Variants in AFF2 observed in about 807,000 individuals in gnomAD.
AFF2 encodes ALF transcription elongation factor 2.
A neutral mutation model predicts 76.9 loss-of-function variants in AFF2; 14 were observed. That is an observed-to-expected ratio of 0.18 (90% confidence interval 0.12 to 0.28). The LOEUF (loss-of-function observed/expected upper bound fraction) is 0.28, where lower values mean the gene tolerates loss of function less well. AFF2 is among the 10% of genes least tolerant of loss of function. The probability of loss-of-function intolerance (pLI) is 1.00; values close to 1 mark genes in which losing one functional copy is unlikely to be tolerated. For synonymous variants in AFF2, 398 were observed against 366.7 expected (o/e 1.09, Z -0.98); for missense variants, 868 against 1,001.1 (o/e 0.87, Z 1.79).
intron 1 of AFF2, among the ~76,000 whole-genome samples, chrX:148,617,053 T>G (rs1421238505): frequency 8.9e-6 from 1 of 111,931 alleles, no homozygotes; most frequent in African/African-American, 3.2e-5. Flanking sequence ...TGTGTCTTTA[T>G]AGCAGCATGA....
intron 10 of AFF2, among the ~76,000 whole-genome samples, chrX:148,954,078 A>G (rs1250539286): frequency 1.8e-5 from 2 of 112,179 alleles, no homozygotes; most frequent in Admixed American, 9.4e-5. Context: ...TCAAGATCCA[A>G]TTCTGGCCTT....
chrX:148,671,123 T>C (rs1291201024), intron 3 of AFF2, among the ~76,000 whole-genome samples: 1 of 111,939 alleles, frequency 8.9e-6, no homozygotes, highest in Non-Finnish European at 1.9e-5. Context: ...GAGTATTTGG[T>C]TTCAGTGCAT....
At chrX:148,748,783 A>G (rs1557266269) in intron 3 of AFF2, among the ~76,000 whole-genome samples, 1 of 111,889 alleles carries the variant, frequency 8.9e-6, no homozygotes, top group African/African-American at 3.3e-5. Flanking sequence ...TTTGCAGGCC[A>G]TAGTGGGGAC....
chrX:148,590,567 C>T (rs986516488), intron 1 of AFF2, among the ~76,000 whole-genome samples: 1 of 111,816 alleles, frequency 8.9e-6, no homozygotes, highest in African/African-American at 3.3e-5. Context: ...GGTGACAAAC[C>T]CCAATGTTGC....
At chrX:148,629,452 C>T (rs2053959409) in intron 1 of AFF2, among the ~76,000 whole-genome samples, 1 of 111,617 alleles carries the variant, frequency 9.0e-6, no homozygotes, top group African/African-American at 3.3e-5. Flanking sequence ...TTATTAATTT[C>T]CAGTTGGTAA....
chrX:148,687,074 G>A (rs1195280089), intron 3 of AFF2, among the ~76,000 whole-genome samples: 1 of 111,660 alleles, frequency 9.0e-6, no homozygotes, highest in Non-Finnish European at 1.9e-5. Flanking sequence ...CTTAAGCAGT[G>A]GCTTGTGACT....
chrX:148,865,232 A>T (rs1270705178), intron 7 of AFF2, among the ~76,000 whole-genome samples: 1 of 112,809 alleles, frequency 8.9e-6, no homozygotes, highest in African/African-American at 3.2e-5. Context: ...TGGAATTCAG[A>T]GAAATGCCTG....
At chrX:148,821,855 C>A (rs1368705987) in intron 4 of AFF2, among the ~76,000 whole-genome samples, 3 of 111,344 alleles carry the variant, frequency 2.7e-5, no homozygotes, top group Non-Finnish European at 5.7e-5. Context: ...GGCCCCCCCA[C>A]ATACATGCAC....
intron 3 of AFF2, among the ~76,000 whole-genome samples, chrX:148,680,277 C>A (rs1372600783): frequency 1.8e-5 from 2 of 111,816 alleles, no homozygotes; most frequent in Non-Finnish European, 3.8e-5. Flanking sequence ...TGAATACATC[C>A]CCTGGAGAGC....
At chrX:148,988,105 A>G (rs1241213843) in intron 20 of AFF2, among the ~76,000 whole-genome samples, 2 of 112,071 alleles carry the variant, frequency 1.8e-5, no homozygotes, top group Non-Finnish European at 3.8e-5. Context: ...CTACAAAACA[A>G]ATGCAAAGAG....
intron 19 of AFF2, among the ~76,000 whole-genome samples, chrX:148,984,396 C>G (rs1557291209): frequency 9.0e-6 from 1 of 111,402 alleles, no homozygotes; most frequent in Non-Finnish European, 1.9e-5. Flanking sequence ...AGGGTGAGAT[C>G]TGCAAGCAGA....
chrX:148,938,630 A>G (rs2071799618), intron 9 of AFF2, among the ~76,000 whole-genome samples: 1 of 112,044 alleles, frequency 8.9e-6, no homozygotes, highest in Non-Finnish European at 1.9e-5. Flanking sequence ...GCAATCACTA[A>G]AGAAAGAGCA....
chrX:148,579,322 A>G (rs2053327571), intron 1 of AFF2, among the ~76,000 whole-genome samples: 2 of 111,854 alleles, frequency 1.8e-5, no homozygotes, highest in African/African-American at 6.5e-5. Context: ...GCTCCAATAT[A>G]TTTGGTCTGT....
intron 3 of AFF2, among the ~76,000 whole-genome samples, chrX:148,707,728 C>G (rs1046151315): frequency 9.0e-6 from 1 of 111,320 alleles, no homozygotes; most frequent in Non-Finnish European, 1.9e-5. Context: ...AACTAAAAAT[C>G]TGTCCAGTTT....
intron 1 of AFF2, among the ~76,000 whole-genome samples, chrX:148,592,661 A>G (rs1368083869): frequency 9.0e-6 from 1 of 111,549 alleles, no homozygotes; most frequent in African/African-American, 3.3e-5. Context: ...TCTGATCCTG[A>G]GACTGTTACT....
At chrX:148,632,857 G>T (rs991416816) in intron 1 of AFF2, among the ~76,000 whole-genome samples, 5 of 112,071 alleles carry the variant, frequency 4.5e-5, no homozygotes, top group Non-Finnish European at 7.5e-5. Context: ...TAAATGATCT[G>T]CTCAAGGTCA....
chrX:148,848,457 C>T (rs1214414137), intron 7 of AFF2, among the ~76,000 whole-genome samples: 4 of 112,105 alleles, frequency 3.6e-5, no homozygotes, highest in Non-Finnish European at 7.5e-5. Context: ...AAGCCTTCAT[C>T]ACTGGAAATG....
At chrX:148,881,820 G>T (rs1226653103) in intron 7 of AFF2, among the ~76,000 whole-genome samples, 1 of 111,085 alleles carries the variant, frequency 9.0e-6, no homozygotes, top group Non-Finnish European at 1.9e-5. Flanking sequence ...TAGCTGTATT[G>T]GCTCCTAGGC....
Position 148,998,909 on chromosome X carries a change from C to T in AFF2, c.*7577C>T, listed in dbSNP as rs1008588880. ...CTTTCCTCCTTCCCTCTGTCCATCA[C>T]CCCTCATTAAAATATTGAAATCTGG... On this transcript the variant is annotated 3_prime_UTR_variant, in exon 21 of 21. Transcript: ENST00000370460. 5.5e-5 allele frequency: 6 copies of T among 109,609 alleles called. No homozygotes were observed. The highest frequency in any genetic ancestry group is 1.7e-4 in the African/African-American group (5 of 30,000). The allele number at this position is 109,609 out of a possible 1,213,427, so 9.0% of individuals were successfully genotyped here. A position where few individuals can be genotyped will look rare whatever the true frequency, so the allele number is the denominator to read the frequency against.
Sources: allele counts gnomAD v4.1 joint callset (sites outside exome capture counted in the v4.1 genomes callset), GRCh38; gene constraint gnomAD v4.1.1; transcripts MANE v1.5; gene names NCBI Gene and HGNC (gene_info 2026-07-23, HGNC 2026-07-21).